SNTG2: variants seen among roughly 807,000 people sequenced by gnomAD.
SNTG2 encodes the protein syntrophin gamma 2.
In SNTG2, 74 loss-of-function variants were observed where a neutral mutation model predicts 70.9. The observed-to-expected ratio is 1.04, with a 90% CI of 0.86 to 1.27. The LOEUF (loss-of-function observed/expected upper bound fraction) is 1.27, where lower values mean the gene tolerates loss of function less well. Ranked by LOEUF, SNTG2 falls within the 50% of genes most tolerant of loss-of-function variation. The pLI is 0.00. For missense variants in SNTG2, 717 were observed against 690.7 expected (o/e 1.04, Z -0.43); for synonymous variants, 278 against 273.8 (o/e 1.02, Z -0.15).
At chr2:970,046 A>G (rs1019474191) in intron 1 of SNTG2, among the ~76,000 whole-genome samples, 2 of 152,136 alleles carry the variant, frequency 1.3e-5, no homozygotes, top group African/African-American at 4.8e-5. Context: ...TTCATTGCCT[A>G]GTTTGCGGAG....
intron 9 of SNTG2, among the ~76,000 whole-genome samples, chr2:1,214,428 A>G (rs529230126): frequency 1.3e-5 from 2 of 152,232 alleles, no homozygotes; most frequent in African/African-American, 4.8e-5. Flanking sequence ...TTCCTTTATC[A>G]ATGTATATTT....
chr2:1,020,828 T>C (rs1386780653), intron 1 of SNTG2, among the ~76,000 whole-genome samples: 1 of 152,114 alleles, frequency 6.6e-6, no homozygotes, highest in Non-Finnish European at 1.5e-5. Flanking sequence ...TAACCATATG[T>C]ATATATATAT....
At position 1,362,796 on chromosome 2, in the gene SNTG2, C is replaced by T. The variant is rs553223837; in HGVS notation, c.1489-4547C>T. On this transcript the variant is annotated intron_variant, in intron 16 of 16. Transcript: ENST00000308624. Reference sequence around the variant, plus strand: ...ACCGACGCTGAGCATTTCAATAGAACTTCCGTGAAAGTCACCGATGCTGAG... The same window carrying T: ...ACCGACGCTGAGCATTTCAATAGAATTTCCGTGAAAGTCACCGATGCTGAG... 6.6e-4 allele frequency among the ~76,000 whole-genome samples: 101 copies of T among 152,148 alleles called. 1 individual carries two copies. The highest frequency in any genetic ancestry group is 1.2e-3 in the Non-Finnish European group (83 of 67,990).
In SNTG2 at chr2:1,049,836, C is replaced by T. The variant is rs549483071; in HGVS notation, c.73-33682C>T. ...GTCAGTGTTTTGAATTCCAGCCCTT[C>T]TAATTGGTGTGTGCTAGAATCCCAT... On this transcript the variant is annotated intron_variant, in intron 1 of 16. Coordinates refer to ENST00000308624, the MANE Select transcript of SNTG2 (RefSeq NM_018968.4). Among the ~76,000 whole-genome samples the T allele has an allele frequency of 4.5e-4, 68 of 152,322 alleles. No individual in the cohort carries two copies. The South Asian group carries it at 9.1e-3, about 20-fold the overall frequency.
Position 1,150,595 on chromosome 2 carries a change from T to C in SNTG2, c.411+12786T>C, listed in dbSNP as rs550915939. On this transcript the variant is annotated intron_variant, in intron 6 of 16. Transcript: ENST00000308624. Reference sequence around the variant, plus strand: ...ATGGGGAGGAGATGTTTTTCTGTTGTGAGAGAGCAAAACATGCTTATGGAA... The same window carrying C: ...ATGGGGAGGAGATGTTTTTCTGTTGCGAGAGAGCAAAACATGCTTATGGAA... Among the ~76,000 whole-genome samples the C allele has an allele frequency of 1.6e-4, 24 of 152,086 alleles. No individual in the cohort carries two copies. The South Asian group carries it at 4.6e-3, about 29-fold the overall frequency.
At chr2:1,224,413 C>A (rs758651716) in intron 9 of SNTG2, among the ~76,000 whole-genome samples, 1 of 152,178 alleles carries the variant, frequency 6.6e-6, no homozygotes, top group Non-Finnish European at 1.5e-5. Flanking sequence ...TGCCACCTGA[C>A]CCTTGACCTT....
chr2:1,255,859 TATAA>T (rs368212262), intron 12 of SNTG2, among the ~76,000 whole-genome samples: 2 of 42,158 alleles, frequency 4.7e-5, no homozygotes, highest in East Asian at 7.5e-4. Context: ...TATAAATATA[TATAA>T]ATATATATAA....
At chr2:1,224,421 C>T in intron 9 of SNTG2, among the ~76,000 whole-genome samples, 1 of 152,294 alleles carries the variant, frequency 6.6e-6, no homozygotes, top group East Asian at 1.9e-4. Context: ...GACCCTTGAC[C>T]TTTGACCTGG....
intron 9 of SNTG2, among the ~76,000 whole-genome samples, chr2:1,224,544 C>T (rs1371746166): frequency 6.6e-6 from 1 of 152,156 alleles, no homozygotes; most frequent in Non-Finnish European, 1.5e-5. Context: ...GCCTCCCAGG[C>T]CCCTCACCTG....
intron 14 of SNTG2, among the ~76,000 whole-genome samples, chr2:1,285,376 G>A (rs971288941): frequency 6.6e-6 from 1 of 152,164 alleles, no homozygotes; most frequent in Non-Finnish European, 1.5e-5. Context: ...TCCACCCCTT[G>A]TCAACTTGAA....
chr2:1,269,892 T>C (rs1678930118), intron 14 of SNTG2, among the ~76,000 whole-genome samples: 1 of 152,150 alleles, frequency 6.6e-6, no homozygotes, highest in South Asian at 2.1e-4. Context: ...TGGGCATCCA[T>C]CCACGTTTCT....
At chr2:1,123,643 C>G (rs1401260918) in intron 4 of SNTG2, among the ~76,000 whole-genome samples, 4 of 152,154 alleles carry the variant, frequency 2.6e-5, no homozygotes, top group African/African-American at 9.7e-5. Context: ...TGATATTGGC[C>G]TTGGCAATAA....
intron 16 of SNTG2, among the ~76,000 whole-genome samples, chr2:1,324,226 A>G (rs750442729): frequency 6.6e-5 from 10 of 152,322 alleles, no homozygotes; most frequent in Non-Finnish European, 1.3e-4. Context: ...GTTAGCGCCC[A>G]GTAGCTGAGT....
chr2:1,341,127 G>A (rs371956113), intron 16 of SNTG2: 3 of 152,282 alleles, frequency 2.0e-5, no homozygotes, highest in African/African-American at 4.8e-5. Flanking sequence ...AGGAGTCTAC[G>A]TGTGTCTCTG....
intron 9 of SNTG2, among the ~76,000 whole-genome samples, chr2:1,212,270 C>T (rs1674096612): frequency 6.6e-6 from 1 of 152,194 alleles, no homozygotes; most frequent in Admixed American, 6.5e-5. Flanking sequence ...TCCCCACTCT[C>T]TCTCTTTCTC....
intron 1 of SNTG2, among the ~76,000 whole-genome samples, chr2:964,167 C>T (rs192658645): frequency 9.2e-5 from 14 of 152,286 alleles, no homozygotes; most frequent in Admixed American, 7.8e-4. Context: ...TCCAAGGTAG[C>T]CAAAGAACTC....
At chr2:1,302,430 G>T (rs150171172) in intron 14 of SNTG2, among the ~76,000 whole-genome samples, 233 of 151,576 alleles carry the variant, frequency 1.5e-3, no homozygotes, top group African/African-American at 5.2e-3. Context: ...CATGGAGGAA[G>T]GACCACTGTG....
intron 15 of SNTG2, among the ~76,000 whole-genome samples, chr2:1,311,857 T>G (rs1173084062): frequency 1.3e-5 from 2 of 152,192 alleles, no homozygotes; most frequent in Non-Finnish European, 2.9e-5. Flanking sequence ...TGAGGACATT[T>G]GTGTATTATT....
chr2:1,071,505 G>GT (rs1451065720), intron 1 of SNTG2, among the ~76,000 whole-genome samples: 1 of 105,314 alleles, frequency 9.5e-6, no homozygotes, highest in East Asian at 3.6e-4. Context: ...CTGTGGTGGG[G>GT]TGGGGGGAGG....
Sources: gnomAD v4.1 joint callset for allele counts (sites outside exome capture counted in the v4.1 genomes callset) on GRCh38, gnomAD v4.1.1 for gene constraint, MANE v1.5 for transcripts, NCBI Gene and HGNC (gene_info 2026-07-23, HGNC 2026-07-21) for gene names.